SQLE: variants seen among roughly 807,000 people sequenced by gnomAD.
SQLE encodes squalene monooxygenase.
In SQLE, 29 loss-of-function variants were observed where a neutral mutation model predicts 60.7. That is an observed-to-expected ratio of 0.48 (90% CI 0.36 to 0.65). The LOEUF is 0.65. SQLE is among the 30% of genes least tolerant of loss of function. The pLI is 0.00. For synonymous variants in SQLE, 237 were observed against 246.8 expected (o/e 0.96, Z 0.37); for missense variants, 605 against 684.1 (o/e 0.88, Z 1.29).
chr8:125,018,769 A>G, intron 9 of SQLE, 42 bp downstream of exon 9: 1 of 1,293,204 alleles, frequency 7.7e-7, no homozygotes, highest in Non-Finnish European at 1.1e-6. Context: ...TCAATTGCAG[A>G]TTTTTAGCGT....
rs905917528 is a variant in SQLE at position 125,022,037 on chromosome 8, C to T, written c.*92C>T. On this transcript the variant is annotated 3_prime_UTR_variant, in exon 11 of 11. Transcript: ENST00000265896. ...AGGATATATATAGCATAGTACCATA[C>T]CACTTATAAAGTGGAAACTCTTGGA... The T allele has an allele frequency of 1.1e-6, 1 of 881,154 alleles. No homozygotes were observed. Among genetic ancestry groups the T allele is most frequent in the East Asian group, 3.2e-5 (1 of 31,410 alleles). 54.6% of individuals were successfully genotyped at this position (881,154 alleles called of 1,614,324 possible).
intron 7 of SQLE, among the ~76,000 whole-genome samples, chr8:125,012,371 T>C (rs1815051602): frequency 6.6e-6 from 1 of 152,182 alleles, no homozygotes; most frequent in African/African-American, 2.4e-5. Flanking sequence ...ATTTAGAACA[T>C]TTTTATCTTG....
chr8:125,020,926 C>G (rs1423748652), intron 10 of SQLE, 55 bp downstream of exon 10: 10 of 1,203,230 alleles, frequency 8.3e-6, no homozygotes, highest in East Asian at 2.4e-5. Context: ...TAGGACTGTT[C>G]AGTTGATGAA....
intron 2 of SQLE, among the ~76,000 whole-genome samples, chr8:125,004,713 A>G (rs528356676): frequency 2.6e-5 from 4 of 152,100 alleles, no homozygotes; most frequent in African/African-American, 9.6e-5. Context: ...TATTATATAT[A>G]CATGTATTAA....
At chr8:125,014,484 A>G (rs1165163154) in intron 7 of SQLE, among the ~76,000 whole-genome samples, 2 of 151,776 alleles carry the variant, frequency 1.3e-5, no homozygotes, top group Non-Finnish European at 2.9e-5. Context: ...TTTCTGGTTG[A>G]GATGCACTGT....
intron 3 of SQLE, among the ~76,000 whole-genome samples, chr8:125,006,893 C>CG (rs1201630757): frequency 5.9e-5 from 9 of 151,712 alleles, no homozygotes; most frequent in Admixed American, 2.0e-4. Flanking sequence ...TTAGTAGAGA[C>CG]GGGGTTTCAC....
chr8:125,018,142 C>T lies in SQLE; in HGVS notation c.1288C>T (p.Leu430=). ...GMTVAFKDIK[L]WRKLLKGIPD... is the part of the protein sequence containing the mutation. Reference sequence around the variant, plus strand: ...GACTGTTGCTTTTAAAGATATAAAACTATGGAGAAAACTGCTAAAGGGTAT... The same window carrying T: ...GACTGTTGCTTTTAAAGATATAAAATTATGGAGAAAACTGCTAAAGGGTAT... The change falls in exon 8 of 11, where the codon CTA becomes TTA. Residue 430 remains leucine, a synonymous_variant. Transcript: ENST00000265896. 1 of 1,613,826 alleles carries T rather than the reference C, an allele frequency of 6.2e-7. No homozygotes were observed. The highest frequency in any genetic ancestry group is 8.5e-7 in the Non-Finnish European group (1 of 1,179,802).
chr8:125,005,634 G>A lies in SQLE; in HGVS notation c.654G>A (p.Val218=). ...ACCCTCTGTCAGAAAACAATCAAGT[G>A]CAGAGTGGAAGAGCTTTCCATCACG... ...IPYPLSENNQ[V]QSGRAFHHGR... Residue 218 remains valine, a synonymous_variant, in exon 3 of 11, where the codon GTG becomes GTA. Coordinates refer to ENST00000265896, the MANE Select transcript of SQLE (RefSeq NM_003129.4). 1 of 1,611,532 alleles carries A rather than the reference G, an allele frequency of 6.2e-7. No individual in the cohort carries two copies. Among genetic ancestry groups the A allele is most frequent in the Non-Finnish European group, 8.5e-7 (1 of 1,178,388 alleles).
At position 125,018,131 on chromosome 8, in the gene SQLE, A is replaced by G; in HGVS notation, c.1277A>G (p.Lys426Arg). ...LTGGGMTVAFKDIKLWRKLLK... is the reference protein window; with the variant it reads ...LTGGGMTVAFRDIKLWRKLLK... ...GGTGGAGGAATGACTGTTGCTTTTA[A>G]AGATATAAAACTATGGAGAAAACTG... Residue 426 changes from lysine to arginine, a missense_variant, in exon 8 of 11, where the codon AAA becomes AGA. By Grantham distance (26) the Lys-to-Arg change is conservative (BLOSUM62 2). Transcript: ENST00000265896. The G allele has an allele frequency of 6.2e-7, 1 of 1,613,926 alleles. No individual in the cohort carries two copies. The highest frequency in any genetic ancestry group is 8.5e-7 in the Non-Finnish European group (1 of 1,179,842).
At chr8:125,010,775 CT>C (rs368685184) in intron 6 of SQLE, among the ~76,000 whole-genome samples, 2 of 147,994 alleles carry the variant, frequency 1.4e-5, no homozygotes, top group African/African-American at 2.5e-5. Context: ...GGTGGTTTTT[CT>C]TTTTTTTTTC....
At chr8:125,015,202 T>C (rs1815092764) in intron 7 of SQLE, among the ~76,000 whole-genome samples, 1 of 152,214 alleles carries the variant, frequency 6.6e-6, no homozygotes, top group Non-Finnish European at 1.5e-5. Context: ...ATTTTACTGA[T>C]GTAAATATCA....
At chr8:125,003,967 TA>T (rs1261280398) in intron 2 of SQLE, among the ~76,000 whole-genome samples, 8 of 152,116 alleles carry the variant, frequency 5.3e-5, no homozygotes, top group Non-Finnish European at 1.0e-4. Context: ...CCAAGGGCAC[TA>T]ATCCTATCGT....
intron 2 of SQLE, among the ~76,000 whole-genome samples, chr8:125,003,775 T>C (rs1265368248): frequency 1.3e-5 from 2 of 152,092 alleles, no homozygotes; most frequent in African/African-American, 2.4e-5. Flanking sequence ...TACAGTGTTA[T>C]TACTTAGAAT....
chr8:125,008,466 C>T (rs1349498056), intron 4 of SQLE, among the ~76,000 whole-genome samples: 1 of 152,186 alleles, frequency 6.6e-6, no homozygotes, highest in African/African-American at 2.4e-5. Flanking sequence ...GGGTTACCAC[C>T]TCTTAGAAAT....
At chr8:125,002,046 T>G (rs962272956) in intron 1 of SQLE, among the ~76,000 whole-genome samples, 1 of 152,186 alleles carries the variant, frequency 6.6e-6, no homozygotes, top group Non-Finnish European at 1.5e-5. Context: ...AAAGTTAAAG[T>G]TTTGCTGTCA....
intron 2 of SQLE, among the ~76,000 whole-genome samples, chr8:125,005,092 T>C (rs1195894193): frequency 6.6e-6 from 1 of 152,146 alleles, no homozygotes; most frequent in Admixed American, 6.5e-5. Flanking sequence ...ATATATAAAT[T>C]GGGGTTTTTT....
At chr8:125,011,082 T>G (rs1815033546) in intron 6 of SQLE, 1 of 152,264 alleles carries the variant, frequency 6.6e-6, no homozygotes, top group Non-Finnish European at 1.5e-5. Context: ...CTCAGAGAGG[T>G]AGGGCTGGCC....
chr8:124,998,542 A>G lies in SQLE; in HGVS notation c.-862A>G, dbSNP rs962254053. 9.1e-5 allele frequency: 61 copies of G among 672,240 alleles called. No homozygotes were observed. The African/African-American group carries it at 1.0e-3, about 11-fold the overall frequency. The allele number at this position is 672,240 out of a possible 1,614,324, so 41.6% of individuals were successfully genotyped here. On this transcript the variant is annotated 5_prime_UTR_variant, in exon 1 of 11. Coordinates refer to ENST00000265896, the MANE Select transcript of SQLE (RefSeq NM_003129.4). ...GCCTGGCGGCGAGTGGGGGCGTGCG[A>G]CGGTTACTCTGGTTACTGGGGCCGC...
At chr8:125,019,015 C>A (rs1418615956) in intron 9 of SQLE, 1 of 276,714 alleles carries the variant, frequency 3.6e-6, no homozygotes, top group Non-Finnish European at 6.7e-6. Context: ...CTCACACACA[C>A]AAGACTGTGA....
Sources: gnomAD v4.1 joint callset for allele counts (sites outside exome capture counted in the v4.1 genomes callset) on GRCh38, gnomAD v4.1.1 for gene constraint, MANE v1.5 for transcripts, NCBI Gene and HGNC (gene_info 2026-07-23, HGNC 2026-07-21) for gene names.